The following ADCY2 variants were observed in gnomAD, a reference collection of about 807,000 sequenced individuals.
The protein encoded by ADCY2 is adenylate cyclase type 2.
ADCY2 carries 31 observed loss-of-function variants against 125.2 expected under a neutral mutation model. The observed-to-expected ratio is 0.25, with a 90% CI of 0.19 to 0.33. The LOEUF is 0.33. Ranked by LOEUF, ADCY2 falls within the 10% of genes least tolerant of loss-of-function variation. The pLI is 1.00. For missense variants in ADCY2, 904 were observed against 1,418.2 expected (o/e 0.64, Z 5.82); for synonymous variants, 512 against 548.4 (o/e 0.93, Z 0.93).
intron 2 of ADCY2, among the ~76,000 whole-genome samples, chr5:7,460,206 A>C (rs780580486): frequency 1.3e-5 from 2 of 152,126 alleles, no homozygotes; most frequent in Non-Finnish European, 2.9e-5. Flanking sequence ...GGATCATTTA[A>C]AAATTAAACA....
chr5:7,671,867 T>A (rs1024825168), intron 4 of ADCY2, among the ~76,000 whole-genome samples: 4 of 151,580 alleles, frequency 2.6e-5, no homozygotes, highest in Non-Finnish European at 4.4e-5. Context: ...ATATTCAGAG[T>A]GTTAGTCCGG....
intron 2 of ADCY2, among the ~76,000 whole-genome samples, chr5:7,475,192 G>A (rs537976029): frequency 2.0e-5 from 3 of 152,262 alleles, no homozygotes; most frequent in East Asian, 1.9e-4. Context: ...AGAGAAAACC[G>A]GAAGTGCAAA....
At chr5:7,552,315 G>C (rs927788808) in intron 3 of ADCY2, among the ~76,000 whole-genome samples, 16 of 152,264 alleles carry the variant, frequency 1.1e-4, no homozygotes, top group African/African-American at 3.6e-4. Flanking sequence ...ATCTGAAAAT[G>C]AGGGCCTGGG....
At chr5:7,769,005 T>G (rs1428688285) in intron 17 of ADCY2, among the ~76,000 whole-genome samples, 1 of 152,212 alleles carries the variant, frequency 6.6e-6, no homozygotes, top group Non-Finnish European at 1.5e-5. Context: ...ACAGGCGTCA[T>G]TTCTCTCAAA....
chr5:7,756,883 T>G (rs1200850777), intron 15 of ADCY2, among the ~76,000 whole-genome samples: 1 of 152,196 alleles, frequency 6.6e-6, no homozygotes, highest in African/African-American at 2.4e-5. Flanking sequence ...CTTCTCCGTG[T>G]GGGAGAAAAC....
chr5:7,686,109 A>G (rs905508922), intron 4 of ADCY2, among the ~76,000 whole-genome samples: 1 of 152,220 alleles, frequency 6.6e-6, no homozygotes, highest in Non-Finnish European at 1.5e-5. Context: ...AAGGAGCTTT[A>G]AGTATCTATT....
chr5:7,558,375 C>G (rs984339527), intron 3 of ADCY2, among the ~76,000 whole-genome samples: 16 of 152,096 alleles, frequency 1.1e-4, no homozygotes, highest in African/African-American at 2.4e-5. Context: ...TAATAATAGC[C>G]ATTCTAACTA....
At chr5:7,791,164 T>C (rs1247815492) in intron 20 of ADCY2, among the ~76,000 whole-genome samples, 1 of 152,012 alleles carries the variant, frequency 6.6e-6, no homozygotes, top group African/African-American at 2.4e-5. Context: ...CAGCCATCCG[T>C]GTGGGAACAA....
intron 2 of ADCY2, among the ~76,000 whole-genome samples, chr5:7,482,516 G>T (rs371782079): frequency 2.0e-5 from 3 of 152,038 alleles, no homozygotes; most frequent in African/African-American, 7.2e-5. Flanking sequence ...CTGTTGGTGG[G>T]AACTTTTATG....
intron 22 of ADCY2, among the ~76,000 whole-genome samples, chr5:7,814,760 C>T (rs187777946): frequency 6.6e-6 from 1 of 152,120 alleles, no homozygotes; most frequent in Non-Finnish European, 1.5e-5. Context: ...CTTCACTTTC[C>T]GTAAAGGAAA....
At chr5:7,510,761 GTGGA>G (rs986341886) in intron 2 of ADCY2, among the ~76,000 whole-genome samples, 1 of 152,216 alleles carries the variant, frequency 6.6e-6, no homozygotes, top group Admixed American at 6.5e-5. Context: ...AGAACATACA[GTGGA>G]TGCAAAGGAG....
chr5:7,712,461 CT>C (rs1425807373), intron 10 of ADCY2, among the ~76,000 whole-genome samples: 19 of 152,278 alleles, frequency 1.2e-4, no homozygotes, highest in African/African-American at 4.3e-4. Context: ...TATTTTTGTT[CT>C]TTCTACAGCA....
chr5:7,658,178 G>C (rs1032100798), intron 4 of ADCY2: 2 of 152,248 alleles, frequency 1.3e-5, no homozygotes, highest in Non-Finnish European at 2.9e-5. Flanking sequence ...CTGATGGACT[G>C]TTTTGAACCC....
chr5:7,731,483 T>C (rs1297888719), intron 14 of ADCY2, among the ~76,000 whole-genome samples: 2 of 152,200 alleles, frequency 1.3e-5, no homozygotes, highest in Non-Finnish European at 2.9e-5. Context: ...CTTGAACTCC[T>C]GACCTCAAAG....
intron 3 of ADCY2, chr5:7,611,157 ACT>A (rs1737561438): frequency 1.3e-5 from 2 of 151,768 alleles, no homozygotes; most frequent in African/African-American, 4.8e-5. Flanking sequence ...TTATGAGGAC[ACT>A]CTCTCTCCTT....
intron 4 of ADCY2, among the ~76,000 whole-genome samples, chr5:7,660,490 A>G (rs758928818): frequency 5.3e-5 from 8 of 152,168 alleles, no homozygotes; most frequent in Non-Finnish European, 8.8e-5. Context: ...ATAGAGAAGG[A>G]AATTTACTTT....
intron 2 of ADCY2, among the ~76,000 whole-genome samples, chr5:7,442,261 C>T (rs1741041728): frequency 6.6e-6 from 1 of 152,086 alleles, no homozygotes; most frequent in African/African-American, 2.4e-5. Flanking sequence ...TGTTCCTATC[C>T]AACTTGAATC....
At chr5:7,683,332 G>A (rs1221312674) in intron 4 of ADCY2, among the ~76,000 whole-genome samples, 1 of 152,240 alleles carries the variant, frequency 6.6e-6, no homozygotes, top group African/African-American at 2.4e-5. Context: ...AGCATTCAGG[G>A]ACGGAGGACA....
intron 1 of ADCY2, among the ~76,000 whole-genome samples, chr5:7,413,288 G>T (rs567665605): frequency 1.1e-4 from 16 of 149,528 alleles, no homozygotes; most frequent in South Asian, 2.1e-4. Flanking sequence ...CAGCCTTGGG[G>T]TTTTTTTTTT....
Sources: allele counts gnomAD v4.1 joint callset (sites outside exome capture counted in the v4.1 genomes callset), GRCh38; gene constraint gnomAD v4.1.1; transcripts MANE v1.5; gene names NCBI Gene and HGNC (gene_info 2026-07-23, HGNC 2026-07-21).